MGAM: variants seen among roughly 807,000 people sequenced by gnomAD.
MGAM encodes the protein alpha-1,4-glucosidase.
Under a neutral mutation model 358.8 loss-of-function variants are expected in MGAM, and 253 were observed. The observed-to-expected ratio is 0.71, with a 90% CI of 0.64 to 0.78. The LOEUF is 0.78. Among genes scored for constraint, MGAM ranks in the 30% least tolerant of loss-of-function variants. The pLI, the probability that MGAM is intolerant of heterozygous loss-of-function variation, is 0.00. For synonymous variants in MGAM, 1,105 were observed against 1,227.1 expected, an observed-to-expected ratio of 0.90 and a Z score of 2.08; for missense variants, 3,080 against 3,432.6, an observed-to-expected ratio of 0.90 and a Z score of 2.57.
intron 63 of MGAM, 65 bp downstream of exon 63, chr7:142,094,928 T>A: frequency 3.3e-6 from 5 of 1,517,146 alleles, no homozygotes; most frequent in Non-Finnish European, 3.6e-6. Flanking sequence ...TGACCTAAAG[T>A]TAATGCAGTC....
At chr7:142,027,004 G>T (rs950914650) in intron 8 of MGAM, 111 bp from the exon 9 acceptor site, 5 of 797,708 alleles carry the variant, frequency 6.3e-6, no homozygotes, top group African/African-American at 1.7e-5. Context: ...AGGCACTAGG[G>T]TCACCTTGTT....
At chr7:142,056,156 A>G in intron 29 of MGAM, 60 bp downstream of exon 29, 1 of 1,493,016 alleles carries the variant, frequency 6.7e-7, no homozygotes, top group Non-Finnish European at 9.1e-7. Flanking sequence ...GAGTCAATTT[A>G]CAATGTGTTT....
At position 142,064,493 on chromosome 7, in the gene MGAM, T is replaced by G; in HGVS notation, c.4455T>G (p.Tyr1485Ter). ...AGCACTACAACGTGCACAACCTGTA[T>G]GGGTGGTCCCAGACCAGACCCACAT... ...LVQHYNVHNL[Y>*]GWSQTRPTYE... The change falls in exon 37 of 71, where the codon TAT becomes TAG. Residue 1485 changes from tyrosine (Y) to a stop codon, truncating the protein, a stop_gained. Transcript: ENST00000475668. LOFTEE classifies it high-confidence loss of function. The G allele has an allele frequency of 6.3e-7, 1 of 1,580,222 alleles. No individual in the cohort carries two copies. Among genetic ancestry groups the G allele is most frequent in the East Asian group, 2.3e-5 (1 of 43,066 alleles).
chr7:141,991,667 C>T (rs193104813), upstream of MGAM, among the ~76,000 whole-genome samples: 1 of 152,210 alleles, frequency 6.6e-6, no homozygotes, highest in Non-Finnish European at 1.5e-5. Flanking sequence ...AAACTCCTGA[C>T]CTCATGATCC....
At chr7:142,024,369 A>G (rs782287462) in intron 7 of MGAM, among the ~76,000 whole-genome samples, 19 of 151,672 alleles carry the variant, frequency 1.3e-4, no homozygotes, top group Non-Finnish European at 2.2e-4. Flanking sequence ...AGCCAAGATC[A>G]CACTACTGCA....
In MGAM at chr7:142,032,827, T is replaced by G. The variant is rs200532183; in HGVS notation, c.1587T>G (p.Asp529Glu). 104 of 1,606,816 alleles carry G rather than the reference T, an allele frequency of 6.5e-5. No homozygotes were observed. The highest frequency in any genetic ancestry group is 8.8e-5 in the Non-Finnish European group (103 of 1,175,304). Reference sequence around the variant, plus strand: ...AGTTTTTGCTCTTTGTCTTGTAGGATATGAATGAAGTCTCCAACTTTGTTG... The same window carrying G: ...AGTTTTTGCTCTTTGTCTTGTAGGAGATGAATGAAGTCTCCAACTTTGTTG... ...NQVEFDGIWI[D>E]MNEVSNFVDG... The change falls in exon 14 of 71, where the codon GAT (aspartate) becomes GAG (glutamate). Residue 529 changes from aspartate (D) to glutamate (E), a missense_variant and splice_region_variant. Physicochemically the swap from Asp to Glu is conservative, Grantham distance 45 (BLOSUM62 2). Transcript: ENST00000475668.
intron 10 of MGAM, among the ~76,000 whole-genome samples, chr7:142,029,326 T>C (rs10268987): frequency 0.19 from 29,377 of 151,846 alleles, 4,208 homozygotes; most frequent in African/African-American, 0.39. Flanking sequence ...TGCCACTGTA[T>C]TCCAGCCTGG....
intron 2 of MGAM, among the ~76,000 whole-genome samples, chr7:142,006,173 A>G (rs182656128): frequency 4.6e-5 from 7 of 152,246 alleles, no homozygotes; most frequent in African/African-American, 1.7e-4. Flanking sequence ...TTTGTAATGC[A>G]GTCTTTTTTA....
At chr7:142,097,076 G>A (rs983543615) in intron 65 of MGAM, among the ~76,000 whole-genome samples, 1 of 151,694 alleles carries the variant, frequency 6.6e-6, no homozygotes, top group East Asian at 1.9e-4. Context: ...CTACAGGCAC[G>A]TGCCACCAGG....
intron 57 of MGAM, among the ~76,000 whole-genome samples, chr7:142,088,393 G>A (rs1409119142): frequency 6.9e-6 from 1 of 145,392 alleles, no homozygotes; most frequent in African/African-American, 2.4e-5. Context: ...GTCTACTACT[G>A]AACAAGTATC....
Position 142,054,900 on chromosome 7 carries a change from C to T in MGAM, c.3306C>T (p.Gly1102=). 1 of 1,613,648 alleles carries T rather than the reference C, an allele frequency of 6.2e-7. No individual in the cohort carries two copies. The highest frequency in any genetic ancestry group is 8.5e-7 in the Non-Finnish European group (1 of 1,179,706). ...TTGAAATTCGCCGGAAGAGTACAGG[C>T]ACTATAATGTGAGTGGCTTCTAGTG... ...FGIEIRRKST[G]TIIWDSQLLG... is the part of the protein sequence containing the mutation. Residue 1102 remains glycine, a synonymous_variant, in exon 27 of 71, where the codon GGC becomes GGT. Transcript: ENST00000475668.
chr7:142,046,088 G>T (rs1288983165), intron 21 of MGAM, among the ~76,000 whole-genome samples: 3 of 105,702 alleles, frequency 2.8e-5, no homozygotes, highest in Admixed American at 1.1e-4. Context: ...AAATTTATAT[G>T]TGTAATTATA....
intron 1 of MGAM, among the ~76,000 whole-genome samples, chr7:141,997,550 A>G (rs1171287846): frequency 1.3e-5 from 2 of 152,198 alleles, no homozygotes; most frequent in African/African-American, 2.4e-5. Context: ...GAAATTTTCC[A>G]TTTAAAATTT....
chr7:142,052,683 A>G (rs6950286), intron 25 of MGAM, 101 bp from the exon 26 acceptor site: 2 of 1,426,106 alleles, frequency 1.4e-6, no homozygotes, highest in African/African-American at 2.9e-5. Flanking sequence ...GTGATGGGCT[A>G]GTTTTATCGT....
chr7:141,988,353 C>T (rs534290042), intron 2 of MGAM, among the ~76,000 whole-genome samples: 210 of 150,222 alleles, frequency 1.4e-3, no homozygotes, highest in Non-Finnish European at 2.7e-3. Context: ...TCACACAATG[C>T]AAAGTTGTTG....
At chr7:142,043,421 CTATATTATA>C (rs1809336039) in intron 21 of MGAM, among the ~76,000 whole-genome samples, 1 of 6,746 alleles carries the variant, frequency 1.5e-4, no homozygotes, top group East Asian at 3.1e-3. Flanking sequence ...AATATAATAT[CTATATTATA>C]TATACATATA....
intron 24 of MGAM, 144 bp downstream of exon 24, chr7:142,051,008 A>C (rs1246712186): frequency 5.9e-6 from 6 of 1,011,884 alleles, no homozygotes; most frequent in Non-Finnish European, 4.5e-6. Flanking sequence ...TGGGGAAAAA[A>C]ATGAGGTGGC....
chr7:142,029,524 G>T (rs1305001782), intron 10 of MGAM, among the ~76,000 whole-genome samples: 1 of 152,076 alleles, frequency 6.6e-6, no homozygotes, highest in Non-Finnish European at 1.5e-5. Flanking sequence ...AGTGATCCAG[G>T]AAATGAAAGA....
At chr7:142,055,322 T>G (rs555083418) in intron 27 of MGAM, among the ~76,000 whole-genome samples, 1 of 152,268 alleles carries the variant, frequency 6.6e-6, no homozygotes, top group African/African-American at 2.4e-5. Flanking sequence ...GGATTTGTAT[T>G]GTGGAGGACC....
Sources: allele counts gnomAD v4.1 joint callset (sites outside exome capture counted in the v4.1 genomes callset), GRCh38; gene constraint gnomAD v4.1.1; transcripts MANE v1.5; gene names NCBI Gene and HGNC (gene_info 2026-07-23, HGNC 2026-07-21).